XIRP2: variants seen among roughly 807,000 people sequenced by gnomAD.
XIRP2 encodes the protein xin actin-binding repeat-containing protein 2.
A neutral mutation model predicts 277.0 loss-of-function variants in XIRP2; 236 were observed. That is an observed-to-expected ratio of 0.85 (90% confidence interval 0.77 to 0.95). The LOEUF (loss-of-function observed/expected upper bound fraction) is 0.95, where lower values mean the gene tolerates loss of function less well. Ranked by LOEUF, XIRP2 falls within the 40% of genes least tolerant of loss-of-function variation. The probability of loss-of-function intolerance (pLI) is 0.00; values close to 1 mark genes in which losing one functional copy is unlikely to be tolerated. For missense variants in XIRP2, 4,640 were observed against 4,157.5 expected (o/e 1.12, Z -3.19); for synonymous variants, 1,490 against 1,416.5 (o/e 1.05, Z -1.17).
chr2:167,227,180 CCTT>C (rs1694627743), intron 5 of XIRP2, among the ~76,000 whole-genome samples: 1 of 152,098 alleles, frequency 6.6e-6, no homozygotes, highest in Non-Finnish European at 1.5e-5. Flanking sequence ...ATAGCAGGGA[CCTT>C]CTTCTTATGT....
intron 2 of XIRP2, among the ~76,000 whole-genome samples, chr2:166,969,184 C>A (rs1255882376): frequency 6.6e-6 from 1 of 151,918 alleles, no homozygotes; most frequent in Admixed American, 6.6e-5. Context: ...TCTTGAACAG[C>A]ATTCTGAAGA....
chr2:166,934,215 C>CA (rs1685431273), intron 2 of XIRP2, among the ~76,000 whole-genome samples: 1 of 111,474 alleles, frequency 9.0e-6, no homozygotes, highest in African/African-American at 3.0e-5. Flanking sequence ...AAAAAAAAAA[C>CA]AAAACTAGGG....
intron 3 of XIRP2, among the ~76,000 whole-genome samples, chr2:167,179,536 G>T (rs1692950866): frequency 6.6e-6 from 1 of 151,928 alleles, no homozygotes; most frequent in African/African-American, 2.4e-5. Flanking sequence ...TAGCCAGGCT[G>T]CTCTCGAACT....
chr2:167,047,036 G>T (rs1255196336), intron 2 of XIRP2, among the ~76,000 whole-genome samples: 1 of 151,728 alleles, frequency 6.6e-6, no homozygotes, highest in Non-Finnish European at 1.5e-5. Flanking sequence ...ATTCGTCTAA[G>T]ATTACAAACA....
chr2:166,960,706 C>G (rs935452620), intron 2 of XIRP2, among the ~76,000 whole-genome samples: 4 of 151,660 alleles, frequency 2.6e-5, no homozygotes, highest in Non-Finnish European at 5.9e-5. Context: ...TGGATCAATA[C>G]CATTTATCTC....
intron 2 of XIRP2, among the ~76,000 whole-genome samples, chr2:166,937,374 A>G (rs1263720057): frequency 6.6e-6 from 1 of 152,152 alleles, no homozygotes; most frequent in East Asian, 1.9e-4. Context: ...GGTTCTGTTT[A>G]TATGCTGGAT....
At chr2:167,097,952 C>A (rs571258734) in intron 2 of XIRP2, among the ~76,000 whole-genome samples, 38 of 152,298 alleles carry the variant, frequency 2.5e-4, no homozygotes, top group African/African-American at 8.7e-4. Context: ...TGTGGGTAAC[C>A]TAACCTCTTT....
In XIRP2 at chr2:166,903,448, G is replaced by A; in HGVS notation, c.-18-17G>A. The A allele has an allele frequency of 6.3e-7, 1 of 1,580,526 alleles. No homozygotes were observed. Among genetic ancestry groups the A allele is most frequent in the Non-Finnish European group, 8.6e-7 (1 of 1,161,878 alleles). On this transcript the variant is annotated splice_polypyrimidine_tract_variant and intron_variant, in intron 1 of 10. Transcript: ENST00000409195. Reference sequence around the variant, plus strand: ...CTCCTGAGTGTATCACTGATAAAAGGATTCTTGATATTGCAGGACAACCTG... The same window carrying A: ...CTCCTGAGTGTATCACTGATAAAAGAATTCTTGATATTGCAGGACAACCTG...
Position 166,950,464 on chromosome 2 carries a change from T to A in XIRP2, c.408+46574T>A, listed in dbSNP as rs1036814745. On this transcript the variant is annotated intron_variant, in intron 2 of 10. Transcript: ENST00000409195. ...TTGGCAGCTCACAGATAAAAAAAAATTGATAGAAAATAGGTTGGAAGGCAG... is the reference window on the plus strand; with the variant it reads ...TTGGCAGCTCACAGATAAAAAAAAAATGATAGAAAATAGGTTGGAAGGCAG... Among the ~76,000 whole-genome samples, 8 of 151,994 alleles carry A rather than the reference T, an allele frequency of 5.3e-5. No homozygotes were observed. In the South Asian group the frequency reaches 1.5e-3, roughly 28 times the overall value.
rs750084112 is a variant in XIRP2 at position 167,245,142 on chromosome 2, G to A, written c.3750G>A (p.Lys1250=). 1.2e-6 allele frequency: 2 copies of A among 1,612,750 alleles called. No homozygotes were observed. The highest frequency in any genetic ancestry group is 1.7e-6 in the Non-Finnish European group (2 of 1,179,528). ...TTTTTGAAAACCAACCAATTGATAA[G>A]ATAAAAGAAAGCCAAGAAGGTGATG... ...RWLFENQPID[K]IKESQEGDEC... Residue 1250 remains lysine (K), a synonymous_variant, in exon 9 of 11, where the codon AAG becomes AAA. Transcript: ENST00000409195.
intron 2 of XIRP2, among the ~76,000 whole-genome samples, chr2:167,065,542 G>A (rs966052156): frequency 1.1e-4 from 16 of 150,854 alleles, no homozygotes; most frequent in South Asian, 4.3e-4. Flanking sequence ...ACCTATTTTC[G>A]TTGTTGCTGT....
At chr2:167,217,819 T>A (rs1322380635) in intron 4 of XIRP2, among the ~76,000 whole-genome samples, 1 of 152,156 alleles carries the variant, frequency 6.6e-6, no homozygotes, top group Non-Finnish European at 1.5e-5. Context: ...GGGTTAAAAT[T>A]GAGTCCATTA....
At chr2:167,128,129 T>C (rs1416924737) in intron 2 of XIRP2, among the ~76,000 whole-genome samples, 1 of 152,220 alleles carries the variant, frequency 6.6e-6, no homozygotes, top group Non-Finnish European at 1.5e-5. Context: ...GCTGGAATTC[T>C]TGCACTCCCT....
rs16853313 is a variant in XIRP2, at chr2:167,247,191, A to G, written c.5799A>G (p.Gln1933=). ...CACTAAGGTCTTTGAAAGAAGCACA[A>G]AGAAGTTTCAAAGAGGTACATAAAG... The part of the protein sequence containing the change: ...ETSLRSLKEA[Q]RSFKEVHKEG... The change falls in exon 9 of 11, where the codon CAA becomes CAG. Residue 1933 remains glutamine (Q), a synonymous_variant. Transcript: ENST00000409195. The G allele has an allele frequency of 0.052, 83,393 of 1,613,560 alleles. 2,448 individuals are homozygous for G. The highest frequency in any genetic ancestry group is 0.091 in the East Asian group (4,094 of 44,826).
intron 3 of XIRP2, among the ~76,000 whole-genome samples, chr2:167,179,019 A>T (rs1039819439): frequency 1.3e-5 from 2 of 152,176 alleles, no homozygotes; most frequent in African/African-American, 4.8e-5. Flanking sequence ...ATAGTAAATG[A>T]CACAGGATAT....
intron 2 of XIRP2, among the ~76,000 whole-genome samples, chr2:166,904,834 T>A (rs1165864441): frequency 6.6e-6 from 1 of 152,106 alleles, no homozygotes; most frequent in Non-Finnish European, 1.5e-5. Flanking sequence ...ATCAGAAAGG[T>A]ACACAGTCGT....
At chr2:167,047,423 G>A (rs1688811830) in intron 2 of XIRP2, among the ~76,000 whole-genome samples, 1 of 150,640 alleles carries the variant, frequency 6.6e-6, no homozygotes, top group South Asian at 2.1e-4. Flanking sequence ...CCTAATAAAG[G>A]ATGAAAAGAT....
chr2:167,095,546 G>A (rs1488177858), intron 2 of XIRP2, among the ~76,000 whole-genome samples: 3 of 152,134 alleles, frequency 2.0e-5, no homozygotes, highest in African/African-American at 7.2e-5. Context: ...TGTTTTGAAA[G>A]TCTTTTCTGC....
At chr2:167,097,145 T>G (rs1690344730) in intron 2 of XIRP2, among the ~76,000 whole-genome samples, 1 of 152,022 alleles carries the variant, frequency 6.6e-6, no homozygotes, top group Non-Finnish European at 1.5e-5. Flanking sequence ...GACAGTGGGG[T>G]GTTAAAGTCT....
Sources: gnomAD v4.1 joint callset for allele counts (sites outside exome capture counted in the v4.1 genomes callset) on GRCh38, gnomAD v4.1.1 for gene constraint, MANE v1.5 for transcripts, NCBI Gene and HGNC (gene_info 2026-07-23, HGNC 2026-07-21) for gene names.